SOX5: variants seen among roughly 807,000 people sequenced by gnomAD.
The protein encoded by SOX5 is transcription factor SOX-5.
Under a neutral mutation model 92.0 loss-of-function variants are expected in SOX5, and 9 were observed. The observed-to-expected ratio is 0.10, with a 90% CI of 0.06 to 0.17. SOX5 has a LOEUF of 0.17. Among genes scored for constraint, SOX5 ranks in the 10% least tolerant of loss-of-function variants. The pLI is 1.00. For synonymous variants in SOX5, 344 were observed against 336.3 expected (o/e 1.02, Z -0.25); for missense variants, 642 against 944.5 (o/e 0.68, Z 4.20).
chr12:23,916,165 C>T (rs1339183373), intron 1 of SOX5, among the ~76,000 whole-genome samples: 6 of 152,158 alleles, frequency 3.9e-5, no homozygotes, highest in Non-Finnish European at 7.4e-5. Context: ...AGTTGATTCA[C>T]CCTCTTTCTT....
intron 1 of SOX5, among the ~76,000 whole-genome samples, chr12:24,459,161 A>G (rs1943348321): frequency 6.6e-6 from 1 of 152,118 alleles, no homozygotes; most frequent in Admixed American, 6.6e-5. Context: ...TATATGCCCC[A>G]CTTAAGGTCC....
At chr12:24,049,186 C>A (rs1243282842) in intron 4 of SOX5, among the ~76,000 whole-genome samples, 1 of 152,188 alleles carries the variant, frequency 6.6e-6, no homozygotes, top group Non-Finnish European at 1.5e-5. Context: ...TGGTTTTCTT[C>A]TATCATTTTC....
At chr12:24,494,817 A>G (rs562781219) in intron 1 of SOX5, among the ~76,000 whole-genome samples, 1 of 147,708 alleles carries the variant, frequency 6.8e-6, no homozygotes, top group East Asian at 2.0e-4. Flanking sequence ...CAATGTAATG[A>G]AAAAAAAAAT....
intron 4 of SOX5, among the ~76,000 whole-genome samples, chr12:24,065,852 A>C (rs966992809): frequency 2.0e-5 from 3 of 152,130 alleles, no homozygotes; most frequent in African/African-American, 7.2e-5. Flanking sequence ...TGCAAATGAC[A>C]AAAAGCTCAA....
intron 6 of SOX5, among the ~76,000 whole-genome samples, chr12:23,701,883 T>G (rs986308502): frequency 8.5e-5 from 13 of 152,102 alleles, no homozygotes; most frequent in Non-Finnish European, 1.3e-4. Flanking sequence ...CACATACCCT[T>G]TCTTTACCTC....
intron 4 of SOX5, among the ~76,000 whole-genome samples, chr12:24,197,755 A>G (rs1957142082): frequency 6.6e-6 from 1 of 152,094 alleles, no homozygotes; most frequent in South Asian, 2.1e-4. Context: ...AGGAAGAGAG[A>G]GTTAGAAGTC....
At chr12:23,826,277 T>C (rs2096232715) in intron 3 of SOX5, among the ~76,000 whole-genome samples, 1 of 151,884 alleles carries the variant, frequency 6.6e-6, no homozygotes, top group African/African-American at 2.4e-5. Flanking sequence ...ATGTGGTGTT[T>C]GGGTTTTTTT....
chr12:24,464,121 C>A (rs771568018), intron 1 of SOX5, among the ~76,000 whole-genome samples: 3 of 152,098 alleles, frequency 2.0e-5, no homozygotes, highest in Non-Finnish European at 2.9e-5. Flanking sequence ...AATTTGGAAT[C>A]TGTACCCTGG....
At chr12:23,686,474 A>G (rs1443835181) in intron 6 of SOX5, among the ~76,000 whole-genome samples, 1 of 152,232 alleles carries the variant, frequency 6.6e-6, no homozygotes, top group Non-Finnish European at 1.5e-5. Flanking sequence ...AACAAATAGT[A>G]GAACTACCAA....
intron 9 of SOX5, among the ~76,000 whole-genome samples, chr12:23,577,619 TCA>T (rs1949371121): frequency 6.7e-6 from 1 of 150,286 alleles, no homozygotes; most frequent in South Asian, 2.1e-4. Flanking sequence ...AGATCTTATT[TCA>T]GTTTATATTG....
At chr12:24,258,356 ATTG>A (rs1165841247) in intron 3 of SOX5, among the ~76,000 whole-genome samples, 7 of 152,224 alleles carry the variant, frequency 4.6e-5, no homozygotes, top group South Asian at 2.1e-4. Flanking sequence ...AATGGGAATT[ATTG>A]TTATCATTTT....
At chr12:23,951,019 T>A, upstream of SOX5, 1 of 673,788 alleles carries the variant, frequency 1.5e-6, no homozygotes, top group Admixed American at 2.1e-5. Flanking sequence ...TCACGCACGC[T>A]CTCCACTCCT....
intron 2 of SOX5, among the ~76,000 whole-genome samples, chr12:23,851,139 T>C (rs980244542): frequency 2.0e-5 from 3 of 152,258 alleles, no homozygotes; most frequent in Admixed American, 6.5e-5. Context: ...TAAAAGTTTA[T>C]TTAAGGTATA....
intron 1 of SOX5, among the ~76,000 whole-genome samples, chr12:24,454,382 G>A (rs1161068588): frequency 6.6e-6 from 1 of 152,162 alleles, no homozygotes; most frequent in Non-Finnish European, 1.5e-5. Flanking sequence ...CTTCTTCCAT[G>A]AAATTGCATG....
intron 2 of SOX5, among the ~76,000 whole-genome samples, chr12:24,348,061 A>AG (rs1473973141): frequency 6.8e-6 from 1 of 146,676 alleles, no homozygotes; most frequent in East Asian, 1.9e-4. Flanking sequence ...AAAAAAAAAA[A>AG]AAAAAAAAAC....
At chr12:24,229,607 T>C (rs375346066) in intron 3 of SOX5, among the ~76,000 whole-genome samples, 4 of 152,170 alleles carry the variant, frequency 2.6e-5, no homozygotes, top group African/African-American at 9.7e-5. Context: ...TTGAGCCATG[T>C]CATTTATTAT....
intron 10 of SOX5, among the ~76,000 whole-genome samples, chr12:23,570,472 T>A (rs961175171): frequency 2.6e-5 from 4 of 152,130 alleles, no homozygotes; most frequent in Admixed American, 2.6e-4. Context: ...ATTAAAACCC[T>A]TGTATAAATT....
intron 6 of SOX5, among the ~76,000 whole-genome samples, chr12:23,716,241 G>C (rs1293185827): frequency 6.6e-6 from 1 of 152,202 alleles, no homozygotes; most frequent in African/African-American, 2.4e-5. Flanking sequence ...ATTCAGAGAT[G>C]AAGTCGGTAA....
At chr12:23,786,466 A>T (rs2095379368) in intron 3 of SOX5, among the ~76,000 whole-genome samples, 1 of 151,828 alleles carries the variant, frequency 6.6e-6, no homozygotes, top group Admixed American at 6.6e-5. Flanking sequence ...AAATCTGGAA[A>T]GGACTATTTT....
Sources: gnomAD v4.1 joint callset for allele counts (sites outside exome capture counted in the v4.1 genomes callset) on GRCh38, gnomAD v4.1.1 for gene constraint, MANE v1.5 for transcripts, NCBI Gene and HGNC (gene_info 2026-07-23, HGNC 2026-07-21) for gene names.